PXT1: variants seen among roughly 807,000 people sequenced by gnomAD.
PXT1 encodes peroxisomal testis-specific protein 1.
In PXT1, 11 loss-of-function variants were observed where a neutral mutation model predicts 11.0. That is an observed-to-expected ratio of 1.00 (90% CI 0.63 to 1.66). The LOEUF (loss-of-function observed/expected upper bound fraction) is 1.66. Among genes scored for constraint, PXT1 ranks in the 40% most tolerant of loss-of-function variants. PXT1 has a pLI of 0.00. For missense variants in PXT1, 141 were observed against 155.5 expected (o/e 0.91, Z 0.49); for synonymous variants, 43 against 51.4 (o/e 0.84, Z 0.70).
chr6:36,438,444 G>A (rs549497198), intron 2 of PXT1, among the ~76,000 whole-genome samples: 1 of 151,988 alleles, frequency 6.6e-6, no homozygotes, highest in South Asian at 2.1e-4. Context: ...TGTTTTTTGA[G>A]ACTGAGTCTC....
At chr6:36,441,799 A>T (rs995840932) in intron 1 of PXT1, among the ~76,000 whole-genome samples, 2 of 152,192 alleles carry the variant, frequency 1.3e-5, no homozygotes, top group Admixed American at 1.3e-4. Context: ...TTCAGTTTTG[A>T]AAATTAAATT....
intron 4 of PXT1, among the ~76,000 whole-genome samples, chr6:36,393,937 C>T (rs539450428): frequency 2.6e-5 from 4 of 152,286 alleles, no homozygotes; most frequent in African/African-American, 9.6e-5. Flanking sequence ...TTTGATCACT[C>T]CCATATCTCC....
chr6:36,438,463 G>C (rs1015088761), intron 2 of PXT1, among the ~76,000 whole-genome samples: 5 of 151,980 alleles, frequency 3.3e-5, no homozygotes, highest in African/African-American at 1.2e-4. Flanking sequence ...TCGCTCTGTC[G>C]CCCAGGCTGG....
At chr6:36,395,864 G>A (rs1284191386) in intron 4 of PXT1, among the ~76,000 whole-genome samples, 3 of 152,026 alleles carry the variant, frequency 2.0e-5, no homozygotes, top group Non-Finnish European at 4.4e-5. Flanking sequence ...TTACCCAGGT[G>A]TGGTGGTGGG....
At chr6:36,403,770 G>C (rs1288100354) in intron 3 of PXT1, among the ~76,000 whole-genome samples, 1 of 152,166 alleles carries the variant, frequency 6.6e-6, no homozygotes, top group Non-Finnish European at 1.5e-5. Context: ...TTGGGAAGCT[G>C]AGGTGGGAGG....
intron 3 of PXT1, among the ~76,000 whole-genome samples, chr6:36,421,641 T>G (rs74555455): frequency 0.06 from 9,125 of 152,274 alleles, 621 homozygotes; most frequent in Admixed American, 0.17. Context: ...TACAAACTTT[T>G]AAAAATATTT....
chr6:36,425,011 T>A (rs891441642), intron 3 of PXT1, among the ~76,000 whole-genome samples: 2 of 152,210 alleles, frequency 1.3e-5, no homozygotes, highest in Non-Finnish European at 2.9e-5. Flanking sequence ...AAATTAGATA[T>A]TAGGTTGAAG....
Position 36,431,582 on chromosome 6 carries a change from C to T in PXT1, c.-9-5491G>A, listed in dbSNP as rs112723775. On this transcript the variant is annotated intron_variant, in intron 2 of 4. Coordinates refer to ENST00000454782, the MANE Select transcript of PXT1 (RefSeq NM_152990.4). ...AGGAGTTCAGGAACAGCCTGGGCAA[C>T]GTGATGAAACCGTGTCTCTACAAAA... Among the ~76,000 whole-genome samples the T allele has an allele frequency of 1.3e-3, 197 of 152,108 alleles. 1 individual carries two copies. Among genetic ancestry groups the T allele is most frequent in the African/African-American group, 4.1e-3 (171 of 41,488 alleles).
Position 36,425,349 on chromosome 6 carries a change from T to C in PXT1, c.169+565A>G, listed in dbSNP as rs1401851807. Among the ~76,000 whole-genome samples, 7 of 152,244 alleles carry C rather than the reference T, an allele frequency of 4.6e-5. No homozygotes were observed. In the South Asian group the frequency reaches 8.3e-4, roughly 18 times the overall value. ...TGATCTATTTTAGCCCATTTGGGAT[T>C]ACCTTAATTGGTCGTCACAGCAATG... On this transcript the variant is annotated intron_variant, in intron 3 of 4. Coordinates refer to ENST00000454782, the MANE Select transcript of PXT1 (RefSeq NM_152990.4).
rs182285193 is a variant in PXT1, at chr6:36,419,546, A to T, written c.169+6368T>A. Among the ~76,000 whole-genome samples the T allele has an allele frequency of 3.7e-3, 567 of 152,290 alleles. 17 individuals carry two copies. The highest frequency in any genetic ancestry group is 0.035 in the Admixed American group (533 of 15,286). Reference sequence around the variant, plus strand: ...AAGCATGTTGAAACTTGACATAATGATTATTTATATTTTGTGCCTGTCTAA... The same window carrying T: ...AAGCATGTTGAAACTTGACATAATGTTTATTTATATTTTGTGCCTGTCTAA... On this transcript the variant is annotated intron_variant, in intron 3 of 4. Coordinates refer to ENST00000454782, the MANE Select transcript of PXT1 (RefSeq NM_152990.4).
intron 1 of PXT1, among the ~76,000 whole-genome samples, chr6:36,442,284 C>T (rs1774884625): frequency 6.6e-6 from 1 of 152,156 alleles, no homozygotes; most frequent in South Asian, 2.1e-4. Flanking sequence ...CCGCCTCGGC[C>T]TCCCAAAGTG....
At chr6:36,395,191 G>C (rs1172747853) in intron 4 of PXT1, among the ~76,000 whole-genome samples, 1 of 152,028 alleles carries the variant, frequency 6.6e-6, no homozygotes, top group Admixed American at 6.6e-5. Flanking sequence ...TAAGTAAAAA[G>C]AACAAGAGAG....
chr6:36,391,862 C>T lies in PXT1; in HGVS notation c.313G>A (p.Asp105Asn). ...AAATGATCTAGTGCATCTCTGCCAT[C>T]CTGTTGAAGATCCTATTTGAAAAAA... Reference protein sequence around the residue: ...HRMVREDLQQDGRDALDHFVF... With the variant: ...HRMVREDLQQNGRDALDHFVF... Residue 105 changes from aspartate to asparagine, a missense_variant, in exon 5 of 5, where the codon GAT (aspartate) becomes AAT (asparagine). Transcript: ENST00000454782. 6.2e-7 allele frequency: 1 copy of T among 1,608,540 alleles called. No individual in the cohort carries two copies. Among genetic ancestry groups the T allele is most frequent in the Non-Finnish European group, 8.5e-7 (1 of 1,176,824 alleles).
intron 2 of PXT1, among the ~76,000 whole-genome samples, chr6:36,438,161 G>A (rs1195040232): frequency 6.6e-6 from 1 of 151,894 alleles, no homozygotes; most frequent in African/African-American, 2.4e-5. Context: ...TGTATCTTTT[G>A]TTGGAGTTTC....
chr6:36,419,938 G>A (rs544116851), intron 3 of PXT1, among the ~76,000 whole-genome samples: 2 of 152,352 alleles, frequency 1.3e-5, no homozygotes, highest in South Asian at 2.1e-4. Flanking sequence ...GAGAGGGCCA[G>A]GGTCTCAATG....
chr6:36,438,444 G>T (rs549497198), intron 2 of PXT1, among the ~76,000 whole-genome samples: 1 of 151,868 alleles, frequency 6.6e-6, no homozygotes, highest in Admixed American at 6.6e-5. Context: ...TGTTTTTTGA[G>T]ACTGAGTCTC....
chr6:36,419,484 G>C, intron 3 of PXT1, among the ~76,000 whole-genome samples: 1 of 152,196 alleles, frequency 6.6e-6, no homozygotes, highest in Non-Finnish European at 1.5e-5. Flanking sequence ...GAGGAGGAAG[G>C]AGACAGGAAG....
At chr6:36,413,135 C>T (rs1213362762) in intron 3 of PXT1, among the ~76,000 whole-genome samples, 1 of 152,008 alleles carries the variant, frequency 6.6e-6, no homozygotes, top group African/African-American at 2.4e-5. Context: ...TTAGAAAATC[C>T]TGGCCGGACA....
At chr6:36,414,352 G>A (rs1774417450) in intron 3 of PXT1, among the ~76,000 whole-genome samples, 1 of 152,142 alleles carries the variant, frequency 6.6e-6, no homozygotes, top group Non-Finnish European at 1.5e-5. Flanking sequence ...GAAGTTTGAG[G>A]ATGTAATAAT....
Sources: gnomAD v4.1 joint callset for allele counts (sites outside exome capture counted in the v4.1 genomes callset) on GRCh38, gnomAD v4.1.1 for gene constraint, MANE v1.5 for transcripts, NCBI Gene and HGNC (gene_info 2026-07-23, HGNC 2026-07-21) for gene names.